The following FSTL4 variants were observed in gnomAD, a reference collection of about 807,000 sequenced individuals.
FSTL4 encodes follistatin like 4.
A neutral mutation model predicts 78.2 loss-of-function variants in FSTL4; 28 were observed. The ratio of observed to expected loss-of-function variants is 0.36; its 90% CI spans 0.27 to 0.49. The LOEUF (loss-of-function observed/expected upper bound fraction) is 0.49. Ranked by LOEUF, FSTL4 falls within the 20% of genes least tolerant of loss-of-function variation. The pLI is 0.98. For missense variants in FSTL4, 922 were observed against 1,084.9 expected (o/e 0.85, Z 2.11); for synonymous variants, 422 against 440.5 (o/e 0.96, Z 0.53).
At chr5:133,800,236 A>G in the FSTL4 span, among the ~76,000 whole-genome samples, 2 of 138,298 alleles carry the variant, frequency 1.4e-5, 1 homozygote, top group Admixed American at 1.5e-4. Context: ...AAGGGCAAAG[A>G]GATGCAGATG....
At chr5:133,732,608 C>T in the FSTL4 span, among the ~76,000 whole-genome samples, 1 of 152,210 alleles carries the variant, frequency 6.6e-6, no homozygotes, top group Non-Finnish European at 1.5e-5. Context: ...CTTGCACAGC[C>T]TCCTCCCGGC....
chr5:133,654,867 G>A, the FSTL4 span, among the ~76,000 whole-genome samples: 246 of 152,316 alleles, frequency 1.6e-3, 3 homozygotes, highest in African/African-American at 5.7e-3. Flanking sequence ...GAAATCTCAG[G>A]AGAGCCCTCT....
the FSTL4 span, among the ~76,000 whole-genome samples, chr5:133,723,637 T>C: frequency 1.3e-5 from 2 of 152,160 alleles, no homozygotes; most frequent in African/African-American, 4.8e-5. Context: ...CAATTCCAGG[T>C]AGGCAGGGGA....
chr5:133,690,449 A>G, the FSTL4 span, among the ~76,000 whole-genome samples: 1 of 152,078 alleles, frequency 6.6e-6, no homozygotes, highest in East Asian at 1.9e-4. Context: ...TGCACCTCAA[A>G]TATGCTTGGC....
chr5:133,240,568 CGGG>C (rs1194089705), intron 7 of FSTL4, among the ~76,000 whole-genome samples: 2 of 152,144 alleles, frequency 1.3e-5, no homozygotes, highest in Non-Finnish European at 2.9e-5. Flanking sequence ...TTCCAAGGCT[CGGG>C]GCATGTGTGG....
At chr5:133,457,274 A>C (rs1024395992) in intron 3 of FSTL4, among the ~76,000 whole-genome samples, 4 of 152,186 alleles carry the variant, frequency 2.6e-5, no homozygotes, top group African/African-American at 9.7e-5. Flanking sequence ...TGGAACTGCA[A>C]ACAGCATGCG....
chr5:133,492,789 T>C (rs892125866), intron 3 of FSTL4, among the ~76,000 whole-genome samples: 1 of 152,216 alleles, frequency 6.6e-6, no homozygotes, highest in Admixed American at 6.5e-5. Context: ...TACGCTTTTC[T>C]TATAGACTAC....
At chr5:133,352,148 G>T (rs1342797033) in intron 4 of FSTL4, among the ~76,000 whole-genome samples, 1 of 151,516 alleles carries the variant, frequency 6.6e-6, no homozygotes, top group Non-Finnish European at 1.5e-5. Flanking sequence ...CGTCACCTTG[G>T]AAGTGAGCAT....
In FSTL4 at chr5:133,224,195, T is replaced by C; in HGVS notation, c.1334A>G (p.Glu445Gly). 1 of 1,612,686 alleles carries C rather than the reference T, an allele frequency of 6.2e-7. No homozygotes were observed. The highest frequency in any genetic ancestry group is 8.5e-7 in the Non-Finnish European group (1 of 1,178,926). Residue 445 changes from glutamate (E) to glycine (G), a missense_variant, in exon 11 of 16, where the codon GAG (glutamate) becomes GGG (glycine). Coordinates refer to ENST00000265342, the MANE Select transcript of FSTL4 (RefSeq NM_015082.2). ...AAAACAATGAAGCTTGGTACCTTCCTCTCGCCACAGGATGTTTGCAACTGC... is the reference window on the plus strand; with the variant it reads ...AAAACAATGAAGCTTGGTACCTTCCCCTCGCCACAGGATGTTTGCAACTGC... Reference protein sequence around the residue: ...RKTLANILWREEGLSVGNMFY... With the variant: ...RKTLANILWRGEGLSVGNMFY...
intron 6 of FSTL4, among the ~76,000 whole-genome samples, chr5:133,305,507 G>A (rs1312862195): frequency 1.3e-5 from 2 of 152,090 alleles, no homozygotes; most frequent in East Asian, 3.9e-4. Flanking sequence ...TATCCACTCC[G>A]ATGTCCCTTC....
the FSTL4 span, among the ~76,000 whole-genome samples, chr5:133,632,820 G>A: frequency 6.6e-6 from 1 of 152,074 alleles, no homozygotes; most frequent in Non-Finnish European, 1.5e-5. Flanking sequence ...CCAAGTAGCT[G>A]GGACTGGAGG....
At chr5:133,625,264 G>C in the FSTL4 span, among the ~76,000 whole-genome samples, 2 of 151,574 alleles carry the variant, frequency 1.3e-5, no homozygotes, top group African/African-American at 4.8e-5. Flanking sequence ...TTTTCTTTTG[G>C]GGAATTTTTA....
intron 3 of FSTL4, among the ~76,000 whole-genome samples, chr5:133,520,881 G>T (rs1758965767): frequency 6.6e-6 from 1 of 152,166 alleles, no homozygotes; most frequent in Non-Finnish European, 1.5e-5. Context: ...AAAAGCTGAT[G>T]TGGAGGAAGA....
chr5:133,467,279 T>TGTGA (rs1280804371), intron 3 of FSTL4, among the ~76,000 whole-genome samples: 1 of 151,716 alleles, frequency 6.6e-6, no homozygotes, highest in African/African-American at 2.4e-5. Context: ...TGTGTGTGTG[T>TGTGA]GTGAGTGTGT....
chr5:133,489,787 T>TG (rs201294565), intron 3 of FSTL4, among the ~76,000 whole-genome samples: 1,895 of 152,222 alleles, frequency 0.012, 40 homozygotes, highest in African/African-American at 0.044. Context: ...CCCTAGGTGG[T>TG]GACAAAAGAC....
intron 3 of FSTL4, among the ~76,000 whole-genome samples, chr5:133,533,210 G>T (rs1759289926): frequency 6.6e-6 from 1 of 152,162 alleles, no homozygotes; most frequent in African/African-American, 2.4e-5. Flanking sequence ...ACTTCCAGAA[G>T]TGAGATAATA....
At chr5:133,273,003 G>A (rs1400063564) in intron 6 of FSTL4, among the ~76,000 whole-genome samples, 3 of 152,260 alleles carry the variant, frequency 2.0e-5, no homozygotes, top group Admixed American at 2.0e-4. Context: ...TGCAGGAGCA[G>A]GACGGATTGG....
At chr5:133,650,227 A>G in the FSTL4 span, among the ~76,000 whole-genome samples, 3 of 152,246 alleles carry the variant, frequency 2.0e-5, no homozygotes, top group Admixed American at 6.5e-5. Context: ...AACACCTCCC[A>G]TGGGCCCCAT....
intron 3 of FSTL4, among the ~76,000 whole-genome samples, chr5:133,443,379 A>G (rs1021765842): frequency 8.5e-5 from 13 of 152,236 alleles, no homozygotes; most frequent in African/African-American, 3.1e-4. Context: ...CCAAGCTTGA[A>G]CTGAAATTGT....
Sources: allele counts gnomAD v4.1 joint callset (sites outside exome capture counted in the v4.1 genomes callset), GRCh38; gene constraint gnomAD v4.1.1; transcripts MANE v1.5; gene names NCBI Gene and HGNC (gene_info 2026-07-23, HGNC 2026-07-21).